Variants in KAT6B observed in about 807,000 individuals in gnomAD.
KAT6B encodes the protein histone acetyltransferase KAT6B.
In KAT6B, 10 loss-of-function variants were observed where a neutral mutation model predicts 187.5. The ratio of observed to expected loss-of-function variants is 0.05; its 90% confidence interval spans 0.03 to 0.09. The LOEUF (loss-of-function observed/expected upper bound fraction) is 0.09, where lower values mean the gene tolerates loss of function less well. KAT6B is among the 10% of genes least tolerant of loss of function. The pLI, the probability that KAT6B is intolerant of heterozygous loss-of-function variation, is 1.00. For synonymous variants in KAT6B, 861 were observed against 926.8 expected (o/e 0.93, Z 1.29); for missense variants, 1,952 against 2,558.9 (o/e 0.76, Z 5.12).
intron 1 of KAT6B, among the ~76,000 whole-genome samples, chr10:74,834,818 C>T (rs535199843): frequency 1.2e-4 from 18 of 152,336 alleles, no homozygotes; most frequent in African/African-American, 4.1e-4. Flanking sequence ...TTGTGCCTGG[C>T]CCAACTTAAT....
At chr10:74,952,333 T>G in intron 3 of KAT6B, among the ~76,000 whole-genome samples, 1 of 151,382 alleles carries the variant, frequency 6.6e-6, no homozygotes, top group Non-Finnish European at 1.5e-5. Context: ...CCATCCTGGG[T>G]GACAAAGTGA....
rs546160490 is a variant in KAT6B at position 75,031,177 on chromosome 10, T to A, written c.*131T>A. ...AAAACATTTGTTGGCACCATTTATT[T>A]AAAAAAAAAAAAAGCTGTATGCAGC... On this transcript the variant is annotated 3_prime_UTR_variant, in exon 18 of 18. Transcript: ENST00000287239. 8.6e-4 allele frequency: 762 copies of A among 886,238 alleles called. 1 individual carries two copies. The East Asian group carries it at 0.017, about 20-fold the overall frequency. 54.9% of individuals were successfully genotyped at this position (886,238 alleles called of 1,614,324 possible).
At chr10:74,994,886 C>T (rs1442663047) in intron 13 of KAT6B, among the ~76,000 whole-genome samples, 1 of 151,922 alleles carries the variant, frequency 6.6e-6, no homozygotes, top group Non-Finnish European at 1.5e-5. Context: ...TGCTTCTAGC[C>T]CTCTCAGAGG....
In KAT6B at chr10:75,029,181, C is replaced by T. The variant is rs542130688; in HGVS notation, c.4357C>T (p.Leu1453=). ...GCCCAGAGAAAGCTTCAAAGAAGTA[C>T]TGGAAAACCAGGAGACTTTTTTAGA... is the stretch of plus-strand genomic sequence containing the variant. ...ELPRESFKEV[L]ENQETFLDLN... The change falls in exon 18 of 18, where the codon CTG becomes TTG. Residue 1453 remains leucine (L), a synonymous_variant. Transcript: ENST00000287239. This position sits in a 1 kb window ranked among gnomAD's most constrained non-coding sequence, Gnocchi z 6.2. 2.5e-6 allele frequency: 4 copies of T among 1,614,140 alleles called. No homozygotes were observed. The highest frequency in any genetic ancestry group is 2.2e-5 in the East Asian group (1 of 44,880).
At chr10:74,868,059 C>T (rs1843674875) in intron 3 of KAT6B, among the ~76,000 whole-genome samples, 1 of 152,150 alleles carries the variant, frequency 6.6e-6, no homozygotes, top group South Asian at 2.1e-4. Flanking sequence ...AAACATTCTA[C>T]TTTTATGGCA....
intron 17 of KAT6B, among the ~76,000 whole-genome samples, chr10:75,027,909 TTTGGGTATTTAG>T (rs1473456066): frequency 1.3e-5 from 2 of 152,152 alleles, no homozygotes; most frequent in Non-Finnish European, 2.9e-5. Context: ...ATGCATTTGT[TTTGGGTATTTAG>T]TTATTTACTG....
chr10:74,971,035 T>C (rs533766296), intron 6 of KAT6B, among the ~76,000 whole-genome samples: 2 of 152,320 alleles, frequency 1.3e-5, no homozygotes, highest in East Asian at 3.9e-4. Context: ...CTCTGGGTGG[T>C]GCGTGTGTGC....
intron 3 of KAT6B, among the ~76,000 whole-genome samples, chr10:74,866,882 C>T (rs763342853): frequency 3.3e-5 from 5 of 152,194 alleles, no homozygotes; most frequent in Non-Finnish European, 7.3e-5. Context: ...CACCTCATAA[C>T]ATCTCAAGTC....
chr10:74,944,808 C>CAAAAA lies in KAT6B; in HGVS notation c.622-15141_622-15137dup, dbSNP rs58164194. Among the ~76,000 whole-genome samples the CAAAAA allele has an allele frequency of 2.3e-3, 74 of 32,852 alleles. 9 individuals are homozygous for CAAAAA. Among genetic ancestry groups the CAAAAA allele is most frequent in the Middle Eastern group, 0.023 (1 of 44 alleles). 21.6% of individuals were successfully genotyped at this position (32,852 alleles called of 152,430 possible). On this transcript the variant is annotated intron_variant, in intron 3 of 17. Coordinates refer to ENST00000287239, the MANE Select transcript of KAT6B (RefSeq NM_012330.4). ...CGGGCGACAGAGCGAGACTCCGTCT[C>CAAAAA]AAAAAAAAAAAAAAAAAAAAAAAAA...
chr10:74,927,271 CAT>C (rs1401332460), intron 3 of KAT6B, among the ~76,000 whole-genome samples: 1 of 152,066 alleles, frequency 6.6e-6, no homozygotes, highest in East Asian at 1.9e-4. Flanking sequence ...AATTAGGAGT[CAT>C]ATCTTTTGAC....
intron 3 of KAT6B, among the ~76,000 whole-genome samples, chr10:74,939,988 TGA>T: frequency 6.6e-6 from 1 of 152,308 alleles, no homozygotes; most frequent in East Asian, 1.9e-4. Flanking sequence ...GTTGAGAAGT[TGA>T]GACTGCTGCA....
At chr10:74,847,386 G>A (rs955744141) in intron 3 of KAT6B, among the ~76,000 whole-genome samples, 3 of 152,096 alleles carry the variant, frequency 2.0e-5, no homozygotes, top group Non-Finnish European at 2.9e-5. Context: ...TTTCCAGCTG[G>A]GTGCAGTGGC....
intron 3 of KAT6B, among the ~76,000 whole-genome samples, chr10:74,905,705 T>C (rs1455987813): frequency 6.6e-6 from 1 of 152,234 alleles, no homozygotes; most frequent in Non-Finnish European, 1.5e-5. Context: ...AGGGCTGTGA[T>C]GGGAGCTGTC....
intron 4 of KAT6B, among the ~76,000 whole-genome samples, chr10:74,965,729 CTTT>C (rs755126285): frequency 7.0e-6 from 1 of 141,964 alleles, no homozygotes; most frequent in African/African-American, 2.6e-5. Flanking sequence ...GATCCATGTT[CTTT>C]TTTTTTTTTT....
chr10:74,916,902 G>C (rs1162781279), intron 3 of KAT6B, among the ~76,000 whole-genome samples: 1 of 152,166 alleles, frequency 6.6e-6, no homozygotes, highest in African/African-American at 2.4e-5. Flanking sequence ...AGGAGTTTGA[G>C]AACAGCCTGG....
intron 4 of KAT6B, among the ~76,000 whole-genome samples, chr10:74,961,085 C>T (rs1432631349): frequency 6.6e-6 from 1 of 152,110 alleles, no homozygotes; most frequent in East Asian, 1.9e-4. Context: ...ACATTTCAAA[C>T]CCTGCTTGAA....
chr10:74,918,060 T>A (rs1280519174), intron 3 of KAT6B, among the ~76,000 whole-genome samples: 1 of 152,248 alleles, frequency 6.6e-6, no homozygotes, highest in Non-Finnish European at 1.5e-5. Context: ...TTAATTGTAA[T>A]CAGTGTTTCT....
rs1840973573 is a variant in KAT6B, at chr10:74,959,885, GA to G, written c.622-80del. 4 of 936,844 alleles carry G rather than the reference GA, an allele frequency of 4.3e-6. 1 individual carries two copies. The East Asian group carries it at 9.6e-5, about 23-fold the overall frequency. 58.0% of individuals were successfully genotyped at this position (936,844 alleles called of 1,614,324 possible). A position where few individuals can be genotyped will look rare whatever the true frequency, so the allele number is the denominator to read the frequency against. On this transcript the variant is annotated intron_variant, in intron 3 of 17. Transcript: ENST00000287239. ...GTTAAAGAAAGAAGAAGCTTTAAGT[GA>G]AAAATGTAAAAAGCTTTTGATTTTA...
At chr10:74,928,743 G>A (rs1437605374) in intron 3 of KAT6B, among the ~76,000 whole-genome samples, 4 of 152,048 alleles carry the variant, frequency 2.6e-5, no homozygotes, top group Admixed American at 2.6e-4. Flanking sequence ...GAAAAATTAA[G>A]ACATCAAATC....
Sources: gnomAD v4.1 joint callset for allele counts (sites outside exome capture counted in the v4.1 genomes callset) on GRCh38, gnomAD v4.1.1 for gene constraint, Gnocchi (gnomAD v3.1) non-coding constraint, MANE v1.5 for transcripts, NCBI Gene and HGNC (gene_info 2026-07-23, HGNC 2026-07-21) for gene names.